Variants in RBFOX3 observed in about 807,000 individuals in gnomAD.
RBFOX3 encodes the protein RNA binding protein fox-1 homolog 3.
In RBFOX3, 17 loss-of-function variants were observed where a neutral mutation model predicts 48.7. The observed-to-expected ratio is 0.35, with a 90% CI of 0.24 to 0.52. The LOEUF (loss-of-function observed/expected upper bound fraction) is 0.52, where lower values mean the gene tolerates loss of function less well. Ranked by LOEUF, RBFOX3 falls within the 20% of genes least tolerant of loss-of-function variation. The probability of loss-of-function intolerance (pLI) is 0.94; values close to 1 mark genes in which losing one functional copy is unlikely to be tolerated. For synonymous variants in RBFOX3, 212 were observed against 209.5 expected (o/e 1.01, Z -0.10); for missense variants, 382 against 497.5 (o/e 0.77, Z 2.21).
At chr17:79,197,950 G>A (rs2055994791) in intron 4 of RBFOX3, among the ~76,000 whole-genome samples, 1 of 152,188 alleles carries the variant, frequency 6.6e-6, no homozygotes, top group Non-Finnish European at 1.5e-5. Flanking sequence ...GGTCTGCCCT[G>A]CACCAGGCAA....
chr17:79,515,334 G>C (rs1461663810), intron 1 of RBFOX3, among the ~76,000 whole-genome samples: 2 of 152,084 alleles, frequency 1.3e-5, no homozygotes, highest in African/African-American at 4.8e-5. Flanking sequence ...ACAGCACATG[G>C]CCCAGGGCCC....
chr17:79,398,474 C>T (rs1235941394), intron 2 of RBFOX3, among the ~76,000 whole-genome samples: 4 of 115,314 alleles, frequency 3.5e-5, no homozygotes, highest in Non-Finnish European at 3.7e-5. Context: ...ACATAAACCA[C>T]GTCAGCGGCT....
At chr17:79,245,755 G>A (rs994363229) in intron 3 of RBFOX3, among the ~76,000 whole-genome samples, 2 of 151,092 alleles carry the variant, frequency 1.3e-5, no homozygotes, top group African/African-American at 4.9e-5. Context: ...AGCCTCCCGT[G>A]TAGCTGGGAT....
chr17:79,308,605 C>T (rs1007145125), intron 2 of RBFOX3, among the ~76,000 whole-genome samples: 6 of 152,172 alleles, frequency 3.9e-5, no homozygotes, highest in African/African-American at 1.4e-4. Context: ...TCTGTTCCCT[C>T]AAAGGCCAAA....
chr17:79,519,249 C>T (rs2085706001), intron 1 of RBFOX3, among the ~76,000 whole-genome samples: 1 of 152,236 alleles, frequency 6.6e-6, no homozygotes, highest in Non-Finnish European at 1.5e-5. Context: ...CTGCACACCC[C>T]ACGCCCCCAC....
At chr17:79,271,073 T>A (rs958890759) in intron 3 of RBFOX3, among the ~76,000 whole-genome samples, 1 of 99,208 alleles carries the variant, frequency 1.0e-5, no homozygotes, top group African/African-American at 3.5e-5. Context: ...TAAAAATTCA[T>A]AAGATTTTTT....
At chr17:79,158,970 G>A (rs551358972) in intron 4 of RBFOX3, among the ~76,000 whole-genome samples, 14 of 152,298 alleles carry the variant, frequency 9.2e-5, no homozygotes, top group Non-Finnish European at 1.9e-4. Context: ...CACTGCTTGA[G>A]CACCTGCTGT....
intron 4 of RBFOX3, among the ~76,000 whole-genome samples, chr17:79,175,315 C>T (rs998600600): frequency 2.0e-5 from 3 of 152,340 alleles, no homozygotes; most frequent in South Asian, 2.1e-4. Context: ...AGGGAGCTCA[C>T]GCTAGGCCAC....
chr17:79,096,728 T>G lies in RBFOX3; in HGVS notation c.861A>C (p.Pro287=). The G allele has an allele frequency of 1.3e-6, 2 of 1,548,890 alleles. No homozygotes were observed. The highest frequency in any genetic ancestry group is 2.4e-5 in the South Asian group (2 of 83,962). ...ACGGACAAGAAAGTGGTGGGAACGC[T>G]GGAGAGGTGGGGTAGGCCGGCTCCG... ...QTPEPAYPTS[P]AFPPLSCPFA... is the part of the protein sequence containing the mutation. The change falls in exon 12 of 15, where the codon CCA becomes CCC. Residue 287 remains proline (P), a synonymous_variant. Transcript: ENST00000693108.
intron 4 of RBFOX3, among the ~76,000 whole-genome samples, chr17:79,219,897 G>A (rs953023973): frequency 1.8e-4 from 27 of 152,010 alleles, no homozygotes; most frequent in African/African-American, 5.8e-4. Context: ...ATCCCCTGCC[G>A]GGTATTACTG....
At position 79,223,951 on chromosome 17, in the gene RBFOX3, G is replaced by C. The variant is rs2060024644; in HGVS notation, c.-34+11815C>G. Among the ~76,000 whole-genome samples, 3 of 152,186 alleles carry C rather than the reference G, an allele frequency of 2.0e-5. No individual in the cohort carries two copies. In the South Asian group the frequency reaches 6.2e-4, roughly 31 times the overall value. ...TGTGTATATTGGGAGGCAAAGGTGT[G>C]TATATTAGGAGGGAGGGAGAGACAG... On this transcript the variant is annotated intron_variant, in intron 4 of 14. Transcript: ENST00000693108.
At chr17:79,191,542 C>G (rs1422574310) in intron 4 of RBFOX3, among the ~76,000 whole-genome samples, 1 of 152,220 alleles carries the variant, frequency 6.6e-6, no homozygotes, top group African/African-American at 2.4e-5. Context: ...GCATTACTGT[C>G]CTGGCAGAGT....
chr17:79,147,868 T>C (rs2043369934), intron 4 of RBFOX3, among the ~76,000 whole-genome samples: 2 of 152,200 alleles, frequency 1.3e-5, no homozygotes, highest in South Asian at 2.1e-4. Context: ...ACTGTCAACA[T>C]GAAACAGAGG....
chr17:79,204,941 G>A lies in RBFOX3; in HGVS notation c.-34+30825C>T, dbSNP rs1237535045. Among the ~76,000 whole-genome samples the A allele has an allele frequency of 6.6e-6, 1 of 152,136 alleles. No individual in the cohort carries two copies. The highest frequency in any genetic ancestry group is 1.5e-5 in the Non-Finnish European group (1 of 68,028). On this transcript the variant is annotated intron_variant, in intron 4 of 14. Coordinates refer to ENST00000693108, the MANE Select transcript of RBFOX3 (RefSeq NM_001350451.2). The surrounding 1 kb of genome is among the most constrained non-coding windows in gnomAD (Gnocchi z 4.5). Reference sequence around the variant, plus strand: ...GTTCCTGGGGATGAAATGGATGGGTGGCCAAGTAGGGTATTGCTTGGCTTA... The same window carrying A: ...GTTCCTGGGGATGAAATGGATGGGTAGCCAAGTAGGGTATTGCTTGGCTTA...
the RBFOX3 span, among the ~76,000 whole-genome samples, chr17:79,654,666 T>C: frequency 2.0e-5 from 3 of 152,204 alleles, no homozygotes; most frequent in Non-Finnish European, 4.4e-5. Context: ...CAAAAAGAAC[T>C]GGACTTACCC....
chr17:79,483,543 T>A (rs1598890227), intron 1 of RBFOX3, among the ~76,000 whole-genome samples: 1 of 131,012 alleles, frequency 7.6e-6, no homozygotes, highest in Non-Finnish European at 1.6e-5. Context: ...CCCATCAAAA[T>A]AACCAGCATC....
intron 3 of RBFOX3, among the ~76,000 whole-genome samples, chr17:79,256,544 A>G (rs2064880561): frequency 6.6e-6 from 1 of 152,218 alleles, no homozygotes; most frequent in Non-Finnish European, 1.5e-5. Context: ...CTTAATGTAA[A>G]TCGCAGAACC....
intron 1 of RBFOX3, among the ~76,000 whole-genome samples, chr17:79,502,892 C>A (rs2082573122): frequency 6.6e-6 from 1 of 152,230 alleles, no homozygotes; most frequent in Non-Finnish European, 1.5e-5. Flanking sequence ...CCTCCTCCAG[C>A]CTTTCACAGA....
chr17:79,510,837 G>A (rs943377843), intron 1 of RBFOX3, among the ~76,000 whole-genome samples: 4 of 152,176 alleles, frequency 2.6e-5, no homozygotes, highest in South Asian at 2.1e-4. Context: ...GACTCGGGGC[G>A]AGCACCTGGG....
Sources: allele counts gnomAD v4.1 joint callset (sites outside exome capture counted in the v4.1 genomes callset), GRCh38; gene constraint gnomAD v4.1.1; non-coding constraint Gnocchi (gnomAD v3.1); transcripts MANE v1.5; gene names NCBI Gene and HGNC (gene_info 2026-07-23, HGNC 2026-07-21).